ATG7: variants seen among roughly 807,000 people sequenced by gnomAD.
ATG7 encodes autophagy related 7.
Under a neutral mutation model 82.4 loss-of-function variants are expected in ATG7, and 70 were observed. The observed-to-expected ratio is 0.85, with a 90% confidence interval of 0.70 to 1.04. ATG7 has a LOEUF of 1.04. Ranked by LOEUF, ATG7 falls within the 50% of genes least tolerant of loss-of-function variation. ATG7 has a pLI of 0.00. For synonymous variants in ATG7, 287 were observed against 313.0 expected (o/e 0.92, Z 0.88); for missense variants, 792 against 864.3 (o/e 0.92, Z 1.05).
intron 13 of ATG7, among the ~76,000 whole-genome samples, 162 bp downstream of exon 13, chr3:11,342,441 A>T (rs1301686636): frequency 2.0e-5 from 3 of 151,994 alleles, no homozygotes; most frequent in Non-Finnish European, 4.4e-5. Context: ...AAGAAATACA[A>T]CCTTTTATCA....
chr3:11,334,953 CAAAAA>C (rs57211483), intron 11 of ATG7, among the ~76,000 whole-genome samples: 1 of 119,616 alleles, frequency 8.4e-6, no homozygotes, highest in Non-Finnish European at 1.7e-5. Context: ...GACTCTGTCT[CAAAAA>C]AAAAAAAAAA....
At chr3:11,519,539 G>GTTTTTGTTTTTTTT (rs2092377331) in intron 20 of ATG7, among the ~76,000 whole-genome samples, 3 of 62,154 alleles carry the variant, frequency 4.8e-5, no homozygotes, top group Non-Finnish European at 6.7e-5. Context: ...AGTGAGAGGA[G>GTTTTTGTTTTTTTT]TTTTTTTTTT....
chr3:11,309,675 C>T (rs374059786), intron 7 of ATG7, among the ~76,000 whole-genome samples: 26 of 152,110 alleles, frequency 1.7e-4, no homozygotes, highest in African/African-American at 3.9e-4. Flanking sequence ...CATGCATGCG[C>T]GTGTGTGCGT....
At chr3:11,357,740 G>A (rs906476367) in intron 14 of ATG7, among the ~76,000 whole-genome samples, 2 of 152,092 alleles carry the variant, frequency 1.3e-5, no homozygotes, top group African/African-American at 4.8e-5. Context: ...GCAGGGTACG[G>A]TGGCTCATGC....
intron 4 of ATG7, 100 bp downstream of exon 4, chr3:11,298,955 T>C (rs1946370158): frequency 9.1e-6 from 12 of 1,314,380 alleles, no homozygotes; most frequent in Non-Finnish European, 1.2e-5. Flanking sequence ...CCTTGTCTTT[T>C]ATAATCAGTG....
intron 20 of ATG7, among the ~76,000 whole-genome samples, chr3:11,492,842 A>G (rs2090492393): frequency 1.3e-5 from 2 of 152,242 alleles, no homozygotes; most frequent in Admixed American, 1.3e-4. Flanking sequence ...TGCTGGAAGG[A>G]ACAAACTTTG....
At chr3:11,421,525 C>T (rs1407889264) in intron 19 of ATG7, among the ~76,000 whole-genome samples, 2 of 152,202 alleles carry the variant, frequency 1.3e-5, no homozygotes, top group African/African-American at 4.8e-5. Flanking sequence ...CATCTTCAGG[C>T]TCCACTTTTA....
chr3:11,278,831 TGGTGCTCTTTGAGGACTAGAATACAGGA>T (rs1942448766), intron 1 of ATG7, among the ~76,000 whole-genome samples: 1 of 152,202 alleles, frequency 6.6e-6, no homozygotes, highest in African/African-American at 2.4e-5. Context: ...GTAAGGTAGT[TGGTGCTCTTTGAGGACTAGAATACAGGA>T]GGATCGACCT....
At chr3:11,480,314 C>T (rs777332478) in intron 20 of ATG7, among the ~76,000 whole-genome samples, 105 of 152,084 alleles carry the variant, frequency 6.9e-4, no homozygotes, top group Admixed American at 1.4e-3. Flanking sequence ...GTGGGAAGAT[C>T]GCTTGAGGCC....
Position 11,317,584 on chromosome 3 carries a change from C to CTT in ATG7, c.678+2110_678+2111dup, listed in dbSNP as rs370026914. On this transcript the variant is annotated intron_variant, in intron 9 of 20. Transcript: ENST00000693202. Reference sequence around the variant, plus strand: ...CGAAGCCTATGCCCTTTCTTTCTTTCTTTTTTTTTTTTTTTTTTTTGTTTT... The same window carrying CTT: ...CGAAGCCTATGCCCTTTCTTTCTTTCTTTTTTTTTTTTTTTTTTTTTTGTTTT... 3.0e-3 allele frequency among the ~76,000 whole-genome samples: 344 copies of CTT among 114,468 alleles called. 9 individuals are homozygous for CTT. The highest frequency in any genetic ancestry group is 9.6e-3 in the African/African-American group (300 of 31,112). 75.1% of individuals were successfully genotyped at this position (114,468 alleles called of 152,430 possible). A position where few individuals can be genotyped will look rare whatever the true frequency, so the allele number is the denominator to read the frequency against.
chr3:11,288,940 C>T (rs1944522293), intron 3 of ATG7, among the ~76,000 whole-genome samples: 1 of 152,170 alleles, frequency 6.6e-6, no homozygotes, highest in Non-Finnish European at 1.5e-5. Context: ...TTTCTTACAC[C>T]ACTAGAGTTC....
chr3:11,392,471 C>CAAACA (rs1553640634), intron 19 of ATG7, among the ~76,000 whole-genome samples: 50 of 149,250 alleles, frequency 3.4e-4, no homozygotes, highest in Non-Finnish European at 4.9e-4. Context: ...AAAAAACAAA[C>CAAACA]AAAAAAAACA....
chr3:11,356,169 G>A (rs1275829840), intron 14 of ATG7, among the ~76,000 whole-genome samples: 2 of 152,152 alleles, frequency 1.3e-5, no homozygotes, highest in Non-Finnish European at 2.9e-5. Flanking sequence ...GACTGAGGGG[G>A]AGCACAAGAC....
rs1195623225 is a variant in ATG7, at chr3:11,419,027, G to A, written c.1957-7777G>A. On this transcript the variant is annotated intron_variant, in intron 19 of 20. Transcript: ENST00000693202. The stretch of plus-strand genomic sequence containing the variant: ...CCCCTGACATGGGATTACAATTTTA[G>A]ATGAGATTTAGTGGGGACACAGAGC... Among the ~76,000 whole-genome samples the A allele has an allele frequency of 5.3e-5, 8 of 152,164 alleles. No homozygotes were observed. In the East Asian group the frequency reaches 7.7e-4, roughly 15 times the overall value.
At chr3:11,514,161 G>T (rs1256341709) in intron 20 of ATG7, among the ~76,000 whole-genome samples, 1 of 152,146 alleles carries the variant, frequency 6.6e-6, no homozygotes, top group Non-Finnish European at 1.5e-5. Flanking sequence ...TATAGGTAAG[G>T]AAAGTCAGGC....
At chr3:11,373,508 C>T (rs1215711316) in intron 18 of ATG7, among the ~76,000 whole-genome samples, 1 of 152,184 alleles carries the variant, frequency 6.6e-6, no homozygotes, top group Non-Finnish European at 1.5e-5. Flanking sequence ...TGCAGATTCT[C>T]AGGCCTTTCC....
At chr3:11,423,899 A>T (rs1267808309) in intron 19 of ATG7, among the ~76,000 whole-genome samples, 1 of 151,856 alleles carries the variant, frequency 6.6e-6, no homozygotes, top group African/African-American at 2.4e-5. Flanking sequence ...TTTCTCCCCA[A>T]ATTTGTATTT....
At chr3:11,426,757 A>G (rs771701334) in intron 19 of ATG7, 47 bp from the exon 20 acceptor site, 2 of 1,485,160 alleles carry the variant, frequency 1.3e-6, no homozygotes, top group South Asian at 1.3e-5. Context: ...TTTAATTTGC[A>G]TTTTAAGTCT....
At chr3:11,437,890 A>G (rs1040725032) in intron 20 of ATG7, among the ~76,000 whole-genome samples, 1 of 152,198 alleles carries the variant, frequency 6.6e-6, no homozygotes, top group Non-Finnish European at 1.5e-5. Context: ...ACAGAACAAC[A>G]AAGAATAATT....
Sources: gnomAD v4.1 joint callset for allele counts (sites outside exome capture counted in the v4.1 genomes callset) on GRCh38, gnomAD v4.1.1 for gene constraint, MANE v1.5 for transcripts, NCBI Gene and HGNC (gene_info 2026-07-23, HGNC 2026-07-21) for gene names.